RUFY1: variants seen among roughly 807,000 people sequenced by gnomAD.
RUFY1 encodes the protein RUN and FYVE domain-containing protein 1.
In RUFY1, 54 loss-of-function variants were observed where a neutral mutation model predicts 94.6. The observed-to-expected ratio is 0.57, with a 90% CI of 0.46 to 0.72. The LOEUF (loss-of-function observed/expected upper bound fraction) is 0.72. Among genes scored for constraint, RUFY1 ranks in the 30% least tolerant of loss-of-function variants. The pLI is 0.00. For synonymous variants in RUFY1, 396 were observed against 347.3 expected (o/e 1.14, Z -1.56); for missense variants, 883 against 883.9 (o/e 1.00, Z 0.01).
At chr5:179,602,200 T>A in intron 15 of RUFY1, 1 of 555,296 alleles carries the variant, frequency 1.8e-6, no homozygotes, top group Non-Finnish European at 3.2e-6. Context: ...AGCTCTTAGT[T>A]AATTCAGGAA....
chr5:179,557,390 A>G (rs1372151695), intron 1 of RUFY1, among the ~76,000 whole-genome samples: 1 of 152,240 alleles, frequency 6.6e-6, no homozygotes, highest in Non-Finnish European at 1.5e-5. Flanking sequence ...AGATCGTGCC[A>G]TTGCACTCCA....
intron 16 of RUFY1, chr5:179,606,234 C>A: frequency 2.4e-6 from 1 of 421,882 alleles, no homozygotes; most frequent in Non-Finnish European, 4.3e-6. Context: ...CCGCGGATAT[C>A]TTTAAACAGT....
At chr5:179,581,046 C>T in intron 7 of RUFY1, 34 bp downstream of exon 7, 1 of 1,314,384 alleles carries the variant, frequency 7.6e-7, no homozygotes, top group Non-Finnish European at 1.1e-6. Context: ...GTGACAGTTA[C>T]ATACTCGGTA....
chr5:179,590,224 G>A (rs1264032790), intron 9 of RUFY1, among the ~76,000 whole-genome samples: 1 of 151,794 alleles, frequency 6.6e-6, no homozygotes, highest in Non-Finnish European at 1.5e-5. Flanking sequence ...CGTGGTGGCA[G>A]GTGCCTGTAG....
At chr5:179,553,437 AAG>A (rs1761954542) in intron 1 of RUFY1, among the ~76,000 whole-genome samples, 1 of 152,160 alleles carries the variant, frequency 6.6e-6, no homozygotes, top group African/African-American at 2.4e-5. Context: ...GAGAGTATTA[AAG>A]AGAAGTAACT....
rs1388255468 is a variant in RUFY1 at position 179,603,972 on chromosome 5, G to A, written c.1857-1904G>A. On this transcript the variant is annotated intron_variant, in intron 15 of 17. Coordinates refer to ENST00000319449, the MANE Select transcript of RUFY1 (RefSeq NM_025158.5). ...CTCAGGAGGCTGAGGCAGGAGAATC[G>A]CTTGAACCTGGGAGGCGGAGGTTGC... 2.6e-5 allele frequency among the ~76,000 whole-genome samples: 4 copies of A among 152,174 alleles called. No homozygotes were observed. The East Asian group carries it at 5.8e-4, about 22-fold the overall frequency.
intron 7 of RUFY1, among the ~76,000 whole-genome samples, chr5:179,581,565 C>T (rs767532000): frequency 2.9e-4 from 44 of 150,474 alleles, no homozygotes; most frequent in Admixed American, 9.4e-4. Flanking sequence ...CTAGAGAGTA[C>T]ATTGCACATT....
chr5:179,584,706 G>A (rs1329195234), intron 7 of RUFY1, among the ~76,000 whole-genome samples: 2 of 151,952 alleles, frequency 1.3e-5, no homozygotes, highest in African/African-American at 4.8e-5. Flanking sequence ...AGGCTACAGT[G>A]AGCCATGATC....
At chr5:179,569,207 C>G in intron 4 of RUFY1, 95 bp from the exon 5 acceptor site, 2 of 1,597,504 alleles carry the variant, frequency 1.3e-6, no homozygotes, top group South Asian at 2.2e-5. Flanking sequence ...TCTTCTGGCT[C>G]CAGGGCACAG....
intron 8 of RUFY1, chr5:179,586,272 G>C (rs1365747619): frequency 4.4e-6 from 2 of 458,318 alleles, no homozygotes; most frequent in Non-Finnish European, 8.8e-6. Flanking sequence ...TTCTGCTTTG[G>C]CCTCAGGAGC....
At chr5:179,555,055 A>G (rs761475157) in intron 1 of RUFY1, among the ~76,000 whole-genome samples, 3 of 152,164 alleles carry the variant, frequency 2.0e-5, no homozygotes, top group Non-Finnish European at 4.4e-5. Flanking sequence ...CACATAGCAC[A>G]TGTGCTTTCC....
In RUFY1 at chr5:179,567,540, A is replaced by C. The variant is rs780254207; in HGVS notation, c.682A>C (p.Ile228Leu). 3.1e-6 allele frequency: 5 copies of C among 1,611,846 alleles called. No individual in the cohort carries two copies. In the East Asian group the frequency reaches 1.1e-4, roughly 36 times the overall value. ...ACTGGCAGATTATCTGAAAGTGCTT[A>C]TAGACAATAAACATCTCTTAAGGTA... is the stretch of plus-strand genomic sequence containing the variant. ...KKLADYLKVL[I>L]DNKHLLSEFY... The change falls in exon 4 of 18, where the codon ATA (isoleucine) becomes CTA (leucine). Residue 228 changes from isoleucine (I) to leucine (L), a missense_variant. Physicochemically the swap from Ile to Leu is conservative, Grantham distance 5. Coordinates refer to ENST00000319449, the MANE Select transcript of RUFY1 (RefSeq NM_025158.5).
Position 179,609,538 on chromosome 5 carries a change from A to G in RUFY1, c.*19A>G. ...CTCCTGAACGTCCGTCCTCAGGAGCACAGCCTCACGGACAGTGCCAAACCC... is the reference window on the plus strand; with the variant it reads ...CTCCTGAACGTCCGTCCTCAGGAGCGCAGCCTCACGGACAGTGCCAAACCC... On this transcript the variant is annotated 3_prime_UTR_variant, in exon 18 of 18. Transcript: ENST00000319449. 6.3e-7 allele frequency: 1 copy of G among 1,584,614 alleles called. No individual in the cohort carries two copies. The highest frequency in any genetic ancestry group is 2.3e-5 in the East Asian group (1 of 43,728).
chr5:179,560,179 C>T lies in RUFY1; in HGVS notation c.465C>T (p.Cys155=). The T allele has an allele frequency of 6.2e-7, 1 of 1,613,812 alleles. No homozygotes were observed. Among genetic ancestry groups the T allele is most frequent in the Non-Finnish European group, 8.5e-7 (1 of 1,179,880 alleles). Reference sequence around the variant, plus strand: ...AGTTCTTTGTAGTGATGGAGCACTGCCTCAAACATGGGCTGAAAGGTGAGC... The same window carrying T: ...AGTTCTTTGTAGTGATGGAGCACTGTCTCAAACATGGGCTGAAAGGTGAGC... ...LQQFFVVMEH[C]LKHGLKVKKS... The change falls in exon 2 of 18, where the codon TGC becomes TGT. Residue 155 remains cysteine (C), a synonymous_variant. Transcript: ENST00000319449.
chr5:179,602,079 G>A (rs1048442974), intron 15 of RUFY1, 93 bp downstream of exon 15: 25 of 1,041,222 alleles, frequency 2.4e-5, no homozygotes, highest in South Asian at 1.3e-4. Context: ...TTTGGCGAAC[G>A]GAGGGTGGGC....
intron 5 of RUFY1, among the ~76,000 whole-genome samples, chr5:179,570,535 G>T (rs1313344344): frequency 1.3e-5 from 2 of 152,180 alleles, no homozygotes; most frequent in African/African-American, 4.8e-5. Context: ...CAGAGCCAAG[G>T]CCTAAACTCC....
intron 12 of RUFY1, among the ~76,000 whole-genome samples, chr5:179,595,428 AC>A (rs1765535953): frequency 6.6e-6 from 1 of 152,222 alleles, no homozygotes; most frequent in Admixed American, 6.5e-5. Flanking sequence ...CAACATATGG[AC>A]AGCAAAAAAG....
At chr5:179,569,837 C>G (rs569498291) in intron 5 of RUFY1, among the ~76,000 whole-genome samples, 2 of 152,106 alleles carry the variant, frequency 1.3e-5, no homozygotes, top group African/African-American at 4.8e-5. Flanking sequence ...CTCCGCCTCC[C>G]GGGTTCACAC....
chr5:179,556,323 C>G (rs2127504331), intron 1 of RUFY1, among the ~76,000 whole-genome samples: 1 of 152,050 alleles, frequency 6.6e-6, no homozygotes, highest in East Asian at 1.9e-4. Flanking sequence ...TCTTATAAGT[C>G]TCAGCAAAAA....
Sources: allele counts gnomAD v4.1 joint callset (sites outside exome capture counted in the v4.1 genomes callset), GRCh38; gene constraint gnomAD v4.1.1; transcripts MANE v1.5; gene names NCBI Gene and HGNC (gene_info 2026-07-23, HGNC 2026-07-21).